The following CDYL variants were observed in gnomAD, a reference collection of about 807,000 sequenced individuals.
CDYL encodes chromodomain Y like, also known as chromodomain Y-like protein.
In CDYL, 8 loss-of-function variants were observed where a neutral mutation model predicts 47.3. The ratio of observed to expected loss-of-function variants is 0.17; its 90% confidence interval spans 0.10 to 0.31. CDYL has a LOEUF of 0.31. Ranked by LOEUF, CDYL falls within the 10% of genes least tolerant of loss-of-function variation. The pLI, the probability that CDYL is intolerant of heterozygous loss-of-function variation, is 1.00. For missense variants in CDYL, 471 were observed against 701.4 expected, an observed-to-expected ratio of 0.67 and a Z score of 3.71; for synonymous variants, 266 against 265.0, an observed-to-expected ratio of 1.00 and a Z score of -0.04.
At chr6:4,707,903 TC>T (rs1207427044) in intron 1 of CDYL, among the ~76,000 whole-genome samples, 1 of 151,900 alleles carries the variant, frequency 6.6e-6, no homozygotes, top group Non-Finnish European at 1.5e-5. Flanking sequence ...TTTATTCAGT[TC>T]TATTTTTTTT....
At chr6:4,753,418 C>T (rs912949923) in intron 3 of CDYL, among the ~76,000 whole-genome samples, 7 of 152,146 alleles carry the variant, frequency 4.6e-5, no homozygotes, top group Non-Finnish European at 1.0e-4. Context: ...CTAGAGAATA[C>T]AGCTTTGAAC....
At chr6:4,726,531 CAAAA>C (rs58148317) in intron 2 of CDYL, among the ~76,000 whole-genome samples, 1 of 100,368 alleles carries the variant, frequency 1.0e-5, no homozygotes. Flanking sequence ...GACTCTGTCT[CAAAA>C]AAAAAAAAAA....
intron 1 of CDYL, among the ~76,000 whole-genome samples, chr6:4,709,387 G>A (rs1424822812): frequency 3.9e-5 from 6 of 152,130 alleles, no homozygotes; most frequent in East Asian, 1.9e-4. Context: ...TAGTAGAGAC[G>A]GGATTTCATC....
intron 1 of CDYL, among the ~76,000 whole-genome samples, chr6:4,842,532 C>T (rs1270310368): frequency 6.6e-6 from 1 of 151,926 alleles, no homozygotes; most frequent in East Asian, 1.9e-4. Flanking sequence ...CCCTCTTTGT[C>T]TTCTTTATCT....
At chr6:4,838,779 C>T (rs577982861) in intron 1 of CDYL, among the ~76,000 whole-genome samples, 4 of 152,122 alleles carry the variant, frequency 2.6e-5, no homozygotes, top group East Asian at 1.9e-4. Flanking sequence ...CTCCACCTCC[C>T]GGGTTCAAGC....
chr6:4,775,834 G>C (rs1305132953), upstream of CDYL, among the ~76,000 whole-genome samples: 1 of 150,410 alleles, frequency 6.6e-6, no homozygotes, highest in Admixed American at 6.6e-5. The surrounding 1 kb of genome is among the most constrained non-coding windows in gnomAD (Gnocchi z 7.0). Context: ...GGGCTGGCCC[G>C]GCCCCGGACG....
chr6:4,848,269 GAACT>G (rs1427193453), intron 1 of CDYL, among the ~76,000 whole-genome samples: 1 of 152,132 alleles, frequency 6.6e-6, no homozygotes, highest in Non-Finnish European at 1.5e-5. Flanking sequence ...CTGAATGAGT[GAACT>G]CATGGTAACA....
Position 4,717,740 on chromosome 6 carries a change from A to AAAAAT in CDYL, c.103+1859_103+1860insAAAAT, listed in dbSNP as rs1491395482. 4.1e-4 allele frequency among the ~76,000 whole-genome samples: 49 copies of AAAAAT among 118,820 alleles called. 9 individuals are homozygous for AAAAAT. The highest frequency in any genetic ancestry group is 1.5e-3 in the African/African-American group (45 of 30,048). The allele number at this position is 118,820 out of a possible 152,430, so 78.0% of individuals were successfully genotyped here. ...AAAAAAAAAAAAAAAAAAAAAAAAAATTAAAAATTGAAAGGGATTTTTGTT... is the reference window on the plus strand; with the variant it reads ...AAAAAAAAAAAAAAAAAAAAAAAAAAAAAATTTAAAAATTGAAAGGGATTTTTGTT... On this transcript the variant is annotated intron_variant, in intron 2 of 8. Transcript: ENST00000328908.
intron 1 of CDYL, among the ~76,000 whole-genome samples, chr6:4,830,868 C>A (rs554173425): frequency 6.6e-6 from 1 of 151,248 alleles, no homozygotes; most frequent in South Asian, 2.1e-4. Flanking sequence ...GTTTTTTGTT[C>A]TTGCGATAGT....
intron 2 of CDYL, among the ~76,000 whole-genome samples, chr6:4,910,872 C>T (rs960567680): frequency 2.6e-5 from 4 of 151,616 alleles, no homozygotes; most frequent in Admixed American, 6.6e-5. Context: ...CTCTCTCTGT[C>T]GCCCAGGCTG....
intron 2 of CDYL, among the ~76,000 whole-genome samples, chr6:4,893,788 G>A (rs1263214888): frequency 6.6e-6 from 1 of 152,206 alleles, no homozygotes; most frequent in Non-Finnish European, 1.5e-5. Flanking sequence ...ATACAATGGT[G>A]TTGGTTTGTT....
chr6:4,860,482 C>T (rs1761132871), intron 1 of CDYL, among the ~76,000 whole-genome samples: 1 of 147,782 alleles, frequency 6.8e-6, no homozygotes, highest in African/African-American at 2.5e-5. Context: ...CTTAGAGGGA[C>T]AGAACTAATA....
chr6:4,821,996 G>T (rs559392561), intron 1 of CDYL, among the ~76,000 whole-genome samples: 1 of 151,724 alleles, frequency 6.6e-6, no homozygotes, highest in Non-Finnish European at 1.5e-5. Context: ...TTTGAGATAG[G>T]GTTTTGCTCT....
chr6:4,707,593 A>G (rs1014610807), intron 1 of CDYL, among the ~76,000 whole-genome samples: 26 of 152,184 alleles, frequency 1.7e-4, no homozygotes, highest in African/African-American at 5.5e-4. Flanking sequence ...TGTTTACTGT[A>G]TTGTATGACC....
upstream of CDYL, among the ~76,000 whole-genome samples, chr6:4,775,790 G>A (rs1182800125): frequency 6.7e-6 from 1 of 149,740 alleles, no homozygotes; most frequent in African/African-American, 2.4e-5. This position sits in a 1 kb window ranked among gnomAD's most constrained non-coding sequence, Gnocchi z 7.0. Flanking sequence ...GGGTGGGGTG[G>A]GTGCTCCACC....
chr6:4,816,681 G>T (rs144133226), intron 1 of CDYL, among the ~76,000 whole-genome samples: 1,524 of 151,688 alleles, frequency 0.01, 37 homozygotes, highest in African/African-American at 0.035. Context: ...TAGAGACGGG[G>T]TTTTGCGATG....
intron 3 of CDYL, among the ~76,000 whole-genome samples, chr6:4,769,471 C>CATAG (rs2127425142): frequency 6.6e-6 from 1 of 152,184 alleles, no homozygotes; most frequent in African/African-American, 2.4e-5. Context: ...GGAGTGGGTA[C>CATAG]ATAGGCCTTG....
At chr6:4,709,783 G>A (rs1757116717) in intron 1 of CDYL, among the ~76,000 whole-genome samples, 1 of 152,134 alleles carries the variant, frequency 6.6e-6, no homozygotes, top group South Asian at 2.1e-4. Context: ...CAGGACAAAG[G>A]TCTTAACCTC....
chr6:4,769,346 C>T (rs1443135198), intron 3 of CDYL, among the ~76,000 whole-genome samples: 1 of 152,266 alleles, frequency 6.6e-6, no homozygotes. Context: ...ACATCAACAA[C>T]TAAATAACCT....
Sources: gnomAD v4.1 joint callset for allele counts (sites outside exome capture counted in the v4.1 genomes callset) on GRCh38, gnomAD v4.1.1 for gene constraint, Gnocchi (gnomAD v3.1) non-coding constraint, MANE v1.5 for transcripts, NCBI Gene and HGNC (gene_info 2026-07-23, HGNC 2026-07-21) for gene names.